MAGI3: variants seen among roughly 807,000 people sequenced by gnomAD.
MAGI3 encodes the protein membrane-associated guanylate kinase, WW and PDZ domain-containing protein 3.
In MAGI3, 43 loss-of-function variants were observed where a neutral mutation model predicts 121.8. The observed-to-expected ratio is 0.35, with a 90% confidence interval of 0.28 to 0.46. The LOEUF (loss-of-function observed/expected upper bound fraction) is 0.46. MAGI3 is among the 20% of genes least tolerant of loss of function. The probability of loss-of-function intolerance (pLI) is 1.00; values close to 1 mark genes in which losing one functional copy is unlikely to be tolerated. For synonymous variants in MAGI3, 553 were observed against 639.3 expected, an observed-to-expected ratio of 0.86 and a Z score of 2.04; for missense variants, 1,547 against 1,797.3, an observed-to-expected ratio of 0.86 and a Z score of 2.52.
intron 1 of MAGI3, among the ~76,000 whole-genome samples, chr1:113,477,110 C>A (rs1397596447): frequency 2.0e-5 from 3 of 151,822 alleles, no homozygotes; most frequent in Non-Finnish European, 2.9e-5. Flanking sequence ...TATTTTGAGC[C>A]CGTGTGCATC....
chr1:113,630,656 T>C (rs1651568035), intron 9 of MAGI3, among the ~76,000 whole-genome samples: 1 of 152,218 alleles, frequency 6.6e-6, no homozygotes, highest in Non-Finnish European at 1.5e-5. Context: ...CCAGGGGCTC[T>C]TGAGCAGGCA....
chr1:113,634,236 T>A (rs1227160265), intron 9 of MAGI3, among the ~76,000 whole-genome samples: 1 of 151,880 alleles, frequency 6.6e-6, no homozygotes, highest in African/African-American at 2.4e-5. Context: ...AGCTCTTTAG[T>A]TTAATTAGAT....
At chr1:113,583,575 G>T (rs140303336) in intron 3 of MAGI3, among the ~76,000 whole-genome samples, 20 of 152,026 alleles carry the variant, frequency 1.3e-4, no homozygotes, top group Admixed American at 1.3e-3. Flanking sequence ...TTCTGTCATG[G>T]TATATCCAGT....
At chr1:113,525,548 T>C (rs1250834795) in intron 1 of MAGI3, among the ~76,000 whole-genome samples, 1 of 151,916 alleles carries the variant, frequency 6.6e-6, no homozygotes, top group African/African-American at 2.4e-5. Context: ...GTAGCCTTCA[T>C]TTAATAGTTA....
chr1:113,402,154 G>A (rs1048208435), intron 1 of MAGI3, among the ~76,000 whole-genome samples: 4 of 151,984 alleles, frequency 2.6e-5, no homozygotes, highest in Non-Finnish European at 2.9e-5. Flanking sequence ...TAGAAAATTG[G>A]CGAAAAAAGG....
chr1:113,415,656 T>A (rs1004233640), intron 1 of MAGI3, among the ~76,000 whole-genome samples: 13 of 152,182 alleles, frequency 8.5e-5, no homozygotes, highest in African/African-American at 2.9e-4. Flanking sequence ...CAGTTTAGCA[T>A]GCAAATCTTA....
At chr1:113,641,267 T>C (rs971763335) in intron 9 of MAGI3, among the ~76,000 whole-genome samples, 1 of 149,008 alleles carries the variant, frequency 6.7e-6, no homozygotes, top group Non-Finnish European at 1.5e-5. Context: ...GATCAGGTAA[T>C]CACCTGGAGA....
At chr1:113,490,384 A>G (rs1164797602) in intron 1 of MAGI3, among the ~76,000 whole-genome samples, 1 of 152,232 alleles carries the variant, frequency 6.6e-6, no homozygotes, top group African/African-American at 2.4e-5. Context: ...CCCTGAAAGA[A>G]TCACTAAATA....
chr1:113,480,212 T>G (rs1188863906), intron 1 of MAGI3, among the ~76,000 whole-genome samples: 1 of 152,228 alleles, frequency 6.6e-6, no homozygotes, highest in Non-Finnish European at 1.5e-5. Context: ...TTTGAAGAAG[T>G]AGGCACCTCT....
chr1:113,482,747 G>C (rs753911433), intron 1 of MAGI3, among the ~76,000 whole-genome samples: 1 of 151,570 alleles, frequency 6.6e-6, no homozygotes, highest in Non-Finnish European at 1.5e-5. Flanking sequence ...ATTGACAGTA[G>C]GGTTAAAGGC....
At chr1:113,491,786 C>A (rs1178243769) in intron 1 of MAGI3, among the ~76,000 whole-genome samples, 1 of 152,014 alleles carries the variant, frequency 6.6e-6, no homozygotes, top group South Asian at 2.1e-4. Flanking sequence ...GGATAATTTC[C>A]TGGACCCATA....
At chr1:113,552,238 C>G (rs1659816881) in intron 2 of MAGI3, among the ~76,000 whole-genome samples, 1 of 152,088 alleles carries the variant, frequency 6.6e-6, no homozygotes, top group South Asian at 2.1e-4. Flanking sequence ...TTGTCTAAAG[C>G]TTTTTCTTTA....
At position 113,572,104 on chromosome 1, in the gene MAGI3, G is replaced by T. The variant is rs558997472; in HGVS notation, c.434-8438G>T. Among the ~76,000 whole-genome samples the T allele has an allele frequency of 4.6e-5, 7 of 152,266 alleles. No individual in the cohort carries two copies. In the South Asian group the frequency reaches 1.2e-3, roughly 27 times the overall value. Reference sequence around the variant, plus strand: ...GTTTATTGAGAGTTTTTAGCATGAAGGTGTATTGAATATTATTGAAGGCCT... The same window carrying T: ...GTTTATTGAGAGTTTTTAGCATGAATGTGTATTGAATATTATTGAAGGCCT... On this transcript the variant is annotated intron_variant, in intron 2 of 20. Transcript: ENST00000307546.
chr1:113,623,101 T>A, intron 9 of MAGI3, 107 bp downstream of exon 9: 2 of 762,274 alleles, frequency 2.6e-6, no homozygotes, highest in South Asian at 3.7e-5. Context: ...ATTATATAAC[T>A]AAAGAAAGAG....
intron 1 of MAGI3, among the ~76,000 whole-genome samples, chr1:113,466,706 G>T (rs779416714): frequency 1.5e-4 from 23 of 151,942 alleles, no homozygotes; most frequent in Non-Finnish European, 2.6e-4. Flanking sequence ...AATATTGGTA[G>T]GTTTTATATG....
At chr1:113,434,897 C>T (rs1653487426) in intron 1 of MAGI3, among the ~76,000 whole-genome samples, 1 of 152,062 alleles carries the variant, frequency 6.6e-6, no homozygotes, top group South Asian at 2.1e-4. Flanking sequence ...TTTAGCAAGG[C>T]CTTGTTTTTT....
In MAGI3 at chr1:113,391,807, G is replaced by T. The variant is rs1446228949; in HGVS notation, c.316+458G>T. ...AGGTTACCACCTGGTGTACCTGGAAGGGCTTAGCTGCTTCAGTGTTTCTTG... is the reference window on the plus strand; with the variant it reads ...AGGTTACCACCTGGTGTACCTGGAATGGCTTAGCTGCTTCAGTGTTTCTTG... On this transcript the variant is annotated intron_variant, in intron 1 of 20. Coordinates refer to ENST00000307546, the MANE Select transcript of MAGI3 (RefSeq NM_001142782.2). The surrounding 1 kb of genome is among the most constrained non-coding windows in gnomAD (Gnocchi z 4.4). Among the ~76,000 whole-genome samples the T allele has an allele frequency of 6.6e-6, 1 of 152,240 alleles. No homozygotes were observed.
chr1:113,588,197 G>GA (rs1478116457), intron 4 of MAGI3, among the ~76,000 whole-genome samples: 34 of 152,320 alleles, frequency 2.2e-4, no homozygotes, highest in Non-Finnish European at 3.5e-4. Flanking sequence ...GAAAAGACTT[G>GA]AAAGAATCAA....
intron 6 of MAGI3, among the ~76,000 whole-genome samples, chr1:113,595,396 AC>A (rs1314497577): frequency 1.8e-4 from 27 of 152,192 alleles, no homozygotes; most frequent in African/African-American, 6.5e-4. Flanking sequence ...CTATGTCTTT[AC>A]CTTAGGAGAT....
Sources: gnomAD v4.1 joint callset for allele counts (sites outside exome capture counted in the v4.1 genomes callset) on GRCh38, gnomAD v4.1.1 for gene constraint, Gnocchi (gnomAD v3.1) non-coding constraint, MANE v1.5 for transcripts, NCBI Gene and HGNC (gene_info 2026-07-23, HGNC 2026-07-21) for gene names.